Variants in SCAND3 observed in about 807,000 individuals in gnomAD.
SCAND3 encodes the protein SCAN domain-containing protein 3.
the SCAND3 span, chr6:28,576,087 G>A: frequency 2.5e-6 from 4 of 1,609,414 alleles, no homozygotes; most frequent in Admixed American, 1.7e-5. Flanking sequence ...AGCTACTGAG[G>A]TTATCACCAC....
the SCAND3 span, among the ~76,000 whole-genome samples, chr6:28,580,506 C>G: frequency 6.6e-6 from 1 of 151,812 alleles, no homozygotes; most frequent in Non-Finnish European, 1.5e-5. Flanking sequence ...TCTCAAAATT[C>G]ATAAAATGGT....
At chr6:28,599,934 T>TA in the SCAND3 span, among the ~76,000 whole-genome samples, 230 of 145,030 alleles carry the variant, frequency 1.6e-3, no homozygotes, top group African/African-American at 4.0e-3. Flanking sequence ...ATCCATATGT[T>TA]AAAAAAAAAA....
At chr6:28,615,005 C>T in the SCAND3 span, among the ~76,000 whole-genome samples, 3 of 152,178 alleles carry the variant, frequency 2.0e-5, no homozygotes, top group Admixed American at 6.5e-5. Context: ...TCTAGAAAGT[C>T]TAGATGTAAA....
the SCAND3 span, chr6:28,586,278 T>C: frequency 6.4e-7 from 1 of 1,568,846 alleles, no homozygotes; most frequent in Admixed American, 1.8e-5. This position sits in a 1 kb window ranked among gnomAD's most constrained non-coding sequence, Gnocchi z 4.4. Flanking sequence ...CCACAGAAGA[T>C]GGCACCTCCA....
At chr6:28,613,360 T>C in the SCAND3 span, among the ~76,000 whole-genome samples, 2 of 152,226 alleles carry the variant, frequency 1.3e-5, no homozygotes, top group Non-Finnish European at 2.9e-5. Context: ...AAAGTGTTAT[T>C]CAACTACTTC....
the SCAND3 span, chr6:28,575,008 T>G: frequency 6.2e-7 from 1 of 1,614,048 alleles, no homozygotes; most frequent in Non-Finnish European, 8.5e-7. The surrounding 1 kb of genome is among the most constrained non-coding windows in gnomAD (Gnocchi z 4.2). Context: ...AATGTTTTCT[T>G]CATACTGGGC....
the SCAND3 span, among the ~76,000 whole-genome samples, chr6:28,602,643 G>T: frequency 9.9e-5 from 15 of 152,152 alleles, no homozygotes; most frequent in African/African-American, 3.1e-4. Flanking sequence ...ATGTGTATTA[G>T]TCTAGTTACT....
chr6:28,600,031 T>C, the SCAND3 span, among the ~76,000 whole-genome samples: 2 of 152,074 alleles, frequency 1.3e-5, no homozygotes, highest in Non-Finnish European at 2.9e-5. Flanking sequence ...AACTATAGAA[T>C]TTCTAGCAAA....
chr6:28,614,440 C>T, the SCAND3 span, among the ~76,000 whole-genome samples: 110 of 151,940 alleles, frequency 7.2e-4, no homozygotes, highest in African/African-American at 2.5e-3. Context: ...ATTTGTTGTC[C>T]ACTATATACA....
the SCAND3 span, chr6:28,591,479 T>C: frequency 3.3e-5 from 5 of 152,212 alleles, no homozygotes; most frequent in Admixed American, 1.3e-4. Flanking sequence ...CAGCCCAATT[T>C]CAGCAAATAA....
chr6:28,612,384 T>C, the SCAND3 span, among the ~76,000 whole-genome samples: 1 of 152,176 alleles, frequency 6.6e-6, no homozygotes, highest in Non-Finnish European at 1.5e-5. Flanking sequence ...ACATAAGGTG[T>C]ACTCAATGTA....
the SCAND3 span, chr6:28,589,329 C>G: frequency 2.0e-5 from 3 of 152,150 alleles, no homozygotes; most frequent in African/African-American, 7.2e-5. Flanking sequence ...AGTTTATTAT[C>G]AAGGAGGTAT....
the SCAND3 span, chr6:28,586,601 G>C: frequency 2.0e-5 from 32 of 1,614,018 alleles, no homozygotes; most frequent in Non-Finnish European, 2.5e-5. The surrounding 1 kb of genome is among the most constrained non-coding windows in gnomAD (Gnocchi z 4.4). Context: ...TCCTACGTAG[G>C]GCTGATTCCT....
the SCAND3 span, among the ~76,000 whole-genome samples, chr6:28,609,576 T>C: frequency 2.6e-5 from 4 of 152,194 alleles, no homozygotes; most frequent in Non-Finnish European, 4.4e-5. Flanking sequence ...GGTATTGCTA[T>C]AACACATCCA....
At chr6:28,573,680 A>G in the SCAND3 span, 19 of 1,611,114 alleles carry the variant, frequency 1.2e-5, no homozygotes, top group Non-Finnish European at 1.6e-5. Context: ...GAAGGATCAT[A>G]TTTCCGAGTG....
At chr6:28,574,663 G>A in the SCAND3 span, 8 of 1,613,234 alleles carry the variant, frequency 5.0e-6, no homozygotes, top group African/African-American at 9.4e-5. Context: ...TACTTTGTCT[G>A]GTGAAAATGG....
the SCAND3 span, chr6:28,589,394 T>G: frequency 6.6e-6 from 1 of 152,148 alleles, no homozygotes; most frequent in African/African-American, 2.4e-5. Flanking sequence ...CATGGTGTAA[T>G]GGTTAGCACT....
At chr6:28,599,934 T>TAA in the SCAND3 span, among the ~76,000 whole-genome samples, 1 of 145,004 alleles carries the variant, frequency 6.9e-6, no homozygotes, top group Admixed American at 6.9e-5. Flanking sequence ...ATCCATATGT[T>TAA]AAAAAAAAAA....
chr6:28,586,500 A>G, the SCAND3 span: 2 of 1,614,242 alleles, frequency 1.2e-6, no homozygotes, highest in Non-Finnish European at 1.7e-6. The surrounding 1 kb of genome is among the most constrained non-coding windows in gnomAD (Gnocchi z 4.4). Context: ...AAGTTCCCGC[A>G]GTTGACTCAG....
Sources: gnomAD v4.1 joint callset for allele counts (sites outside exome capture counted in the v4.1 genomes callset) on GRCh38, gnomAD v4.1.1 for gene constraint, Gnocchi (gnomAD v3.1) non-coding constraint, MANE v1.5 for transcripts, NCBI Gene and HGNC (gene_info 2026-07-23, HGNC 2026-07-21) for gene names.